HDAC8: variants seen among roughly 807,000 people sequenced by gnomAD.
HDAC8 encodes the protein histone deacetylase 8, also known as histone deacetylase-like 1.
Under a neutral mutation model 32.2 loss-of-function variants are expected in HDAC8, and 1 was observed. The observed-to-expected ratio is 0.03, with a 90% CI of 0.01 to 0.15. The LOEUF is 0.15. HDAC8 is among the 10% of genes least tolerant of loss of function. The probability of loss-of-function intolerance (pLI) is 1.00; values close to 1 mark genes in which losing one functional copy is unlikely to be tolerated. For synonymous variants in HDAC8, 108 were observed against 113.9 expected (o/e 0.95, Z 0.33); for missense variants, 117 against 300.0 (o/e 0.39, Z 4.51).
intron 9 of HDAC8, among the ~76,000 whole-genome samples, chrX:72,441,029 G>A (rs781996996): frequency 3.3e-4 from 37 of 113,164 alleles, no homozygotes; most frequent in African/African-American, 8.0e-4. Flanking sequence ...CAAAGCAGTC[G>A]GGAAGCTCGA....
chrX:72,477,645 T>G (rs1236948348), intron 7 of HDAC8, among the ~76,000 whole-genome samples: 1 of 112,494 alleles, frequency 8.9e-6, no homozygotes, highest in African/African-American at 3.2e-5. Context: ...AAGAAAGAGT[T>G]TGGGGATTGA....
chrX:72,527,493 C>T (rs148789616), intron 4 of HDAC8, among the ~76,000 whole-genome samples: 13 of 111,806 alleles, frequency 1.2e-4, no homozygotes, highest in Non-Finnish European at 2.4e-4. Flanking sequence ...TTCTTGAAGC[C>T]AGGGACAGTG....
chrX:72,534,120 G>T (rs1156500547), intron 4 of HDAC8, among the ~76,000 whole-genome samples: 3 of 109,564 alleles, frequency 2.7e-5, no homozygotes, highest in African/African-American at 1.0e-4. Flanking sequence ...AAAATCCTAA[G>T]GAGTCTACTA....
chrX:72,456,431 C>T (rs1157826035), intron 9 of HDAC8, among the ~76,000 whole-genome samples: 3 of 111,362 alleles, frequency 2.7e-5, no homozygotes, highest in Non-Finnish European at 3.8e-5. Context: ...AATGGAAGAA[C>T]GCTGCTGTAA....
intron 9 of HDAC8, among the ~76,000 whole-genome samples, chrX:72,371,459 C>G (rs1469397439): frequency 9.0e-6 from 1 of 111,518 alleles, no homozygotes; most frequent in Admixed American, 9.5e-5. Flanking sequence ...GGAAGGAGGG[C>G]AGGTGTATGT....
intron 4 of HDAC8, among the ~76,000 whole-genome samples, chrX:72,526,728 A>G (rs782678845): frequency 1.8e-5 from 2 of 111,716 alleles, no homozygotes; most frequent in East Asian, 5.6e-4. Context: ...ACCAATGATG[A>G]CATCATTATC....
At chrX:72,346,773 AG>A (rs1449233377) in intron 10 of HDAC8, among the ~76,000 whole-genome samples, 48 of 20,794 alleles carry the variant, frequency 2.3e-3, no homozygotes, top group African/African-American at 0.011. Context: ...ATGGTGGGGG[AG>A]GGGGCGGGGC....
intron 9 of HDAC8, among the ~76,000 whole-genome samples, chrX:72,422,644 A>G (rs781854159): frequency 6.1e-4 from 68 of 111,787 alleles, no homozygotes; most frequent in African/African-American, 2.1e-3. Context: ...AGCTCTCCCT[A>G]TGGCTTTTCT....
intron 7 of HDAC8, among the ~76,000 whole-genome samples, chrX:72,476,959 G>A (rs1422131833): frequency 8.9e-6 from 1 of 111,921 alleles, no homozygotes; most frequent in Non-Finnish European, 1.9e-5. Context: ...TGGGAATACA[G>A]TAATTCATTT....
At chrX:72,562,230 C>T (rs184147658) in intron 4 of HDAC8, among the ~76,000 whole-genome samples, 7 of 112,089 alleles carry the variant, frequency 6.2e-5, no homozygotes, top group African/African-American at 2.3e-4. Flanking sequence ...TACTTGCACA[C>T]GCATGTTTAT....
chrX:72,339,282 C>T (rs2043823136), intron 10 of HDAC8, among the ~76,000 whole-genome samples: 1 of 112,425 alleles, frequency 8.9e-6, no homozygotes, highest in Non-Finnish European at 1.9e-5. Context: ...CTGATGTCTA[C>T]AATGGCCTAG....
chrX:72,458,751 T>C (rs1229290051), intron 9 of HDAC8, among the ~76,000 whole-genome samples: 2 of 111,600 alleles, frequency 1.8e-5, no homozygotes, highest in Non-Finnish European at 3.8e-5. Context: ...GTGTTATAGG[T>C]ATATATTTGA....
chrX:72,438,689 G>A (rs1206492403), intron 9 of HDAC8, among the ~76,000 whole-genome samples: 3 of 110,637 alleles, frequency 2.7e-5, no homozygotes, highest in African/African-American at 9.9e-5. Context: ...ATAGCTGAAC[G>A]GATCAAGTGG....
chrX:72,508,109 A>G (rs1406681073), intron 4 of HDAC8, among the ~76,000 whole-genome samples: 1 of 112,579 alleles, frequency 8.9e-6, no homozygotes, highest in Non-Finnish European at 1.9e-5. Context: ...TACTGGTATC[A>G]GAAGTTAGCA....
At chrX:72,456,245 A>T (rs2047713442) in intron 9 of HDAC8, among the ~76,000 whole-genome samples, 2 of 111,853 alleles carry the variant, frequency 1.8e-5, no homozygotes, top group Non-Finnish European at 1.9e-5. Context: ...TTTCATCAAA[A>T]CATGTTATTT....
intron 9 of HDAC8, among the ~76,000 whole-genome samples, chrX:72,407,313 G>A (rs2046070210): frequency 8.9e-6 from 1 of 112,297 alleles, no homozygotes; most frequent in Non-Finnish European, 1.9e-5. Flanking sequence ...AGAAGCTCAT[G>A]CTGTTTGCAG....
chrX:72,512,672 T>C (rs782104427), intron 4 of HDAC8, among the ~76,000 whole-genome samples: 2 of 110,915 alleles, frequency 1.8e-5, no homozygotes, highest in South Asian at 3.9e-4. Context: ...TGGCCAAACG[T>C]TGCAGAGCGT....
chrX:72,529,296 C>T (rs781910686), intron 4 of HDAC8, among the ~76,000 whole-genome samples: 1 of 112,111 alleles, frequency 8.9e-6, no homozygotes, highest in Admixed American at 9.4e-5. Flanking sequence ...GAGCGATTAG[C>T]TTGCATTATG....
At chrX:72,339,465 A>G (rs1258452406) in intron 10 of HDAC8, among the ~76,000 whole-genome samples, 2 of 112,588 alleles carry the variant, frequency 1.8e-5, no homozygotes, top group Admixed American at 1.9e-4. Context: ...AGAGGGCATA[A>G]GAGGCTTCAC....
Sources: gnomAD v4.1 joint callset for allele counts (sites outside exome capture counted in the v4.1 genomes callset) on GRCh38, gnomAD v4.1.1 for gene constraint, MANE v1.5 for transcripts, NCBI Gene and HGNC (gene_info 2026-07-23, HGNC 2026-07-21) for gene names.